IL17RE: variants seen among roughly 807,000 people sequenced by gnomAD.
IL17RE encodes the protein interleukin 17 receptor E.
IL17RE carries 47 observed loss-of-function variants against 70.7 expected under a neutral mutation model. That is an observed-to-expected ratio of 0.67 (90% CI 0.53 to 0.85). The LOEUF is 0.85. Among genes scored for constraint, IL17RE ranks in the 40% least tolerant of loss-of-function variants. The probability of loss-of-function intolerance (pLI) is 0.00; values close to 1 mark genes in which losing one functional copy is unlikely to be tolerated. For synonymous variants in IL17RE, 372 were observed against 381.2 expected (o/e 0.98, Z 0.28); for missense variants, 850 against 893.9 (o/e 0.95, Z 0.63).
Position 9,904,166 on chromosome 3 carries a change from C to T in IL17RE, c.268+15C>T, listed in dbSNP as rs1326570977. 1.9e-6 allele frequency: 3 copies of T among 1,613,312 alleles called. No homozygotes were observed. The highest frequency in any genetic ancestry group is 1.7e-6 in the Non-Finnish European group (2 of 1,179,456). ...AGGTGGCTCAGGTATGAGAAACAGC[C>T]CCTTGGGCCATTCTCAGTGAAGAGA... On this transcript the variant is annotated intron_variant, in intron 3 of 15. Transcript: ENST00000383814.
intron 11 of IL17RE, 66 bp downstream of exon 11, chr3:9,911,366 A>G (rs897555887): frequency 2.5e-6 from 4 of 1,613,214 alleles, no homozygotes; most frequent in East Asian, 4.5e-5. Flanking sequence ...ACTGTAACCA[A>G]GCTAAACCCC....
Position 9,902,920 on chromosome 3 carries a change from T to C in IL17RE, c.-13T>C, listed in dbSNP as rs746906068. 10 of 1,614,088 alleles carry C rather than the reference T, an allele frequency of 6.2e-6. No homozygotes were observed. The South Asian group carries it at 9.9e-5, about 16-fold the overall frequency. ...GCAGCCATGTTCCGGGAGCCCTAAT[T>C]GCACAGAAGCCCATGGGGAGCTCCA... On this transcript the variant is annotated 5_prime_UTR_variant, in exon 1 of 16. Coordinates refer to ENST00000383814, the MANE Select transcript of IL17RE (RefSeq NM_153480.2).
intron 12 of IL17RE, among the ~76,000 whole-genome samples, chr3:9,912,658 G>A (rs1016455577): frequency 6.6e-6 from 1 of 152,200 alleles, no homozygotes; most frequent in Non-Finnish European, 1.5e-5. Flanking sequence ...TTATATGTTT[G>A]TTTTGCATTG....
intron 3 of IL17RE, among the ~76,000 whole-genome samples, chr3:9,905,519 A>G (rs2082732430): frequency 6.6e-6 from 1 of 151,150 alleles, no homozygotes; most frequent in African/African-American, 2.4e-5. Flanking sequence ...GAAGGAAAGA[A>G]AGAAAAGAGA....
chr3:9,913,873 G>A lies in IL17RE; in HGVS notation c.1228-83G>A, dbSNP rs536856180. ...GTAGGATTGGGGGTGTGGTGGGGAG[G>A]AACAGCAGGGGCAAAGACTCAAGGC... On this transcript the variant is annotated intron_variant, in intron 12 of 15. Coordinates refer to ENST00000383814, the MANE Select transcript of IL17RE (RefSeq NM_153480.2). 6 of 1,108,464 alleles carry A rather than the reference G, an allele frequency of 5.4e-6. No individual in the cohort carries two copies. In the African/African-American group the frequency reaches 9.2e-5, roughly 17 times the overall value. The allele number at this position is 1,108,464 out of a possible 1,614,324, so 68.7% of individuals were successfully genotyped here.
intron 1 of IL17RE, 105 bp downstream of exon 1, chr3:9,903,169 C>T: frequency 8.8e-7 from 1 of 1,137,532 alleles, no homozygotes; most frequent in Non-Finnish European, 1.3e-6. Context: ...GCTCTGGTGG[C>T]AGCTTTGATG....
chr3:9,915,285 C>T lies in IL17RE; in HGVS notation c.1482C>T (p.His494=). The stretch of plus-strand genomic sequence containing the variant: ...CAGCGCGGCCAGTGCTCCTCCTGCA[C>T]GCGGCGGACTCGGAGGCGCAGCGGC... ...PGPARPVLLL[H]AADSEAQRRL... Residue 494 remains histidine, a synonymous_variant, in exon 16 of 16, where the codon CAC becomes CAT. Transcript: ENST00000383814. The surrounding 1 kb of genome is among the most constrained non-coding windows in gnomAD (Gnocchi z 4.9). 7.1e-7 allele frequency: 1 copy of T among 1,406,794 alleles called. No homozygotes were observed. The highest frequency in any genetic ancestry group is 1.6e-5 in the South Asian group (1 of 63,578). 87.1% of individuals were successfully genotyped at this position (1,406,794 alleles called of 1,614,324 possible).
chr3:9,904,205 C>T, intron 3 of IL17RE, 54 bp downstream of exon 3: 1 of 1,596,944 alleles, frequency 6.3e-7, no homozygotes. Context: ...TTTTGAGGGA[C>T]CACCTAGGCT....
chr3:9,908,781 C>T (rs2082817915), intron 7 of IL17RE, among the ~76,000 whole-genome samples: 1 of 152,150 alleles, frequency 6.6e-6, no homozygotes. Context: ...GGGAAATTGT[C>T]ACCTGGAAGA....
At chr3:9,905,325 G>T (rs2082728518) in intron 3 of IL17RE, among the ~76,000 whole-genome samples, 1 of 151,178 alleles carries the variant, frequency 6.6e-6, no homozygotes, top group African/African-American at 2.4e-5. Flanking sequence ...GTGTGATGGT[G>T]CATGCCTGTA....
chr3:9,905,681 G>A (rs1438760517), intron 3 of IL17RE, among the ~76,000 whole-genome samples: 3 of 152,076 alleles, frequency 2.0e-5, no homozygotes, highest in Non-Finnish European at 2.9e-5. Context: ...TTAGCTGGGC[G>A]TGGTGGCAGG....
chr3:9,910,788 C>A, intron 8 of IL17RE, 77 bp from the exon 9 acceptor site: 1 of 1,302,358 alleles, frequency 7.7e-7, no homozygotes, highest in Non-Finnish European at 1.1e-6. Context: ...TTATCTCCAG[C>A]TGCCCCCAGG....
chr3:9,904,093 T>G lies in IL17RE; in HGVS notation c.210T>G (p.Cys70Trp). ...WWALFSTKPW[C>W]VRVWHCSRCL... ...CCCTCTTCTCCACAAAGCCTTGGTG[T>G]GTGCGAGTCTGGCACTGTTCCCGCT... Residue 70 changes from cysteine to tryptophan, a missense_variant, in exon 3 of 16, where the codon TGT becomes TGG. Transcript: ENST00000383814. The G allele has an allele frequency of 6.2e-7, 1 of 1,614,216 alleles. No homozygotes were observed. The highest frequency in any genetic ancestry group is 8.5e-7 in the Non-Finnish European group (1 of 1,180,030).
chr3:9,914,318 C>G, intron 13 of IL17RE: 2 of 1,156,718 alleles, frequency 1.7e-6, no homozygotes, highest in Non-Finnish European at 2.4e-6. Flanking sequence ...GTCCTCACAG[C>G]AGCCCTGGTC....
At position 9,909,305 on chromosome 3, in the gene IL17RE, C is replaced by T. The variant is rs116390431; in HGVS notation, c.802+22C>T. 3.6e-4 allele frequency: 569 copies of T among 1,598,210 alleles called. No homozygotes were observed. In the African/African-American group the frequency reaches 6.2e-3, roughly 17 times the overall value. On this transcript the variant is annotated intron_variant, in intron 8 of 15. Transcript: ENST00000383814. ...GCCTGTGAGTGCTGTTGACACGCACCCTTGTGCACACACATCCCCTTTCTC... is the reference window on the plus strand; with the variant it reads ...GCCTGTGAGTGCTGTTGACACGCACTCTTGTGCACACACATCCCCTTTCTC...
rs772691121 is a variant in IL17RE, at chr3:9,911,432, G to A, written c.1073-11G>A. On this transcript the variant is annotated splice_polypyrimidine_tract_variant and intron_variant, in intron 11 of 15. Transcript: ENST00000383814. The stretch of plus-strand genomic sequence containing the variant: ...CAACTCCTATCAACACCCCCACCCC[G>A]CCCCAAACAGGGTCTCTCACATCCT... The A allele has an allele frequency of 2.4e-5, 38 of 1,613,090 alleles. No homozygotes were observed. Among genetic ancestry groups the A allele is most frequent in the East Asian group, 1.8e-4 (8 of 44,846 alleles).
intron 6 of IL17RE, among the ~76,000 whole-genome samples, chr3:9,907,785 A>G (rs1490983448): frequency 6.6e-6 from 1 of 151,988 alleles, no homozygotes; most frequent in Admixed American, 6.6e-5. Context: ...CATTCTCCCA[A>G]CCTGGGCCCC....
chr3:9,914,564 T>C lies in IL17RE; in HGVS notation c.1313T>C (p.Val438Ala), dbSNP rs1464557938. Reference sequence around the variant, plus strand: ...TGCCCTCAGGTGTGGCGGTCAGATGTCCAGTTTGCCTGGAAGCACCTCTTG... The same window carrying C: ...TGCCCTCAGGTGTGGCGGTCAGATGCCCAGTTTGCCTGGAAGCACCTCTTG... The part of the protein sequence containing the change: ...GCCVLVWRSD[V>A]QFAWKHLLCP... The change falls in exon 14 of 16, where the codon GTC (valine) becomes GCC (alanine). Residue 438 changes from valine (V) to alanine (A), a missense_variant. Coordinates refer to ENST00000383814, the MANE Select transcript of IL17RE (RefSeq NM_153480.2). 5.6e-6 allele frequency: 9 copies of C among 1,613,896 alleles called. No individual in the cohort carries two copies. The highest frequency in any genetic ancestry group is 7.6e-6 in the Non-Finnish European group (9 of 1,179,900).
At chr3:9,902,644 C>A, upstream of IL17RE, 2 of 1,536,132 alleles carry the variant, frequency 1.3e-6, no homozygotes, top group Non-Finnish European at 1.7e-6. Context: ...CTGATGCTAG[C>A]CCCTTTCCTG....
Sources: allele counts gnomAD v4.1 joint callset (sites outside exome capture counted in the v4.1 genomes callset), GRCh38; gene constraint gnomAD v4.1.1; non-coding constraint Gnocchi (gnomAD v3.1); transcripts MANE v1.5; gene names NCBI Gene and HGNC (gene_info 2026-07-23, HGNC 2026-07-21).